ADAM17: variants seen among roughly 807,000 people sequenced by gnomAD.
ADAM17 encodes the protein disintegrin and metalloproteinase domain-containing protein 17.
In ADAM17, 39 loss-of-function variants were observed where a neutral mutation model predicts 96.7. The observed-to-expected ratio is 0.40, with a 90% CI of 0.31 to 0.53. ADAM17 has a LOEUF of 0.53. Among genes scored for constraint, ADAM17 ranks in the 20% least tolerant of loss-of-function variants. ADAM17 has a pLI of 0.44. For missense variants in ADAM17, 777 were observed against 1,013.2 expected (o/e 0.77, Z 3.17); for synonymous variants, 344 against 359.2 (o/e 0.96, Z 0.48).
chr2:9,539,301 G>A (rs1358762342), intron 2 of ADAM17, among the ~76,000 whole-genome samples: 1 of 151,968 alleles, frequency 6.6e-6, no homozygotes, highest in Non-Finnish European at 1.5e-5. Flanking sequence ...TAGAGACGGG[G>A]TTTCACCGTG....
At chr2:9,533,064 C>T (rs541644287) in intron 4 of ADAM17, among the ~76,000 whole-genome samples, 2 of 151,946 alleles carry the variant, frequency 1.3e-5, no homozygotes, top group Non-Finnish European at 2.9e-5. Flanking sequence ...TGGCACACGC[C>T]TGTAATTCCA....
At chr2:9,538,336 T>G (rs867108993) in intron 2 of ADAM17, among the ~76,000 whole-genome samples, 11 of 152,226 alleles carry the variant, frequency 7.2e-5, no homozygotes, top group South Asian at 2.1e-4. Context: ...AAATCTAGAC[T>G]GGGACTATCT....
At chr2:9,516,873 T>A (rs965442258) in intron 10 of ADAM17, among the ~76,000 whole-genome samples, 2 of 152,218 alleles carry the variant, frequency 1.3e-5, no homozygotes, top group African/African-American at 2.4e-5. Context: ...AGGACAGCAA[T>A]ATACTCAGCT....
chr2:9,538,738 G>A (rs1665088256), intron 2 of ADAM17, among the ~76,000 whole-genome samples: 1 of 152,134 alleles, frequency 6.6e-6, no homozygotes, highest in Admixed American at 6.6e-5. Context: ...TAGCTTTTGA[G>A]TTATAAAACG....
chr2:9,551,739 A>G (rs886222952), intron 1 of ADAM17, among the ~76,000 whole-genome samples: 2 of 152,290 alleles, frequency 1.3e-5, no homozygotes, highest in South Asian at 2.1e-4. Context: ...GATTACAGGC[A>G]TGAGCCACCG....
rs766251160 is a variant in ADAM17, at chr2:9,490,336, C to G, written c.2316G>C (p.Met772Ile). The G allele has an allele frequency of 6.2e-7, 1 of 1,613,982 alleles. No homozygotes were observed. ...GGTCCTTCTCAAACCCATCCTCGTC[C>G]ATATGTGAGTCTGTGCTGGGGTCTT... ...IQEDPSTDSH[M>I]DEDGFEKDPF... The change falls in exon 19 of 19, where the codon ATG becomes ATC. Residue 772 changes from methionine to isoleucine, a missense_variant. By Grantham distance (10) the Met-to-Ile change is conservative (BLOSUM62 1). Transcript: ENST00000310823.
At chr2:9,548,679 T>A (rs1665490540) in intron 1 of ADAM17, among the ~76,000 whole-genome samples, 1 of 152,222 alleles carries the variant, frequency 6.6e-6, no homozygotes, top group South Asian at 2.1e-4. Flanking sequence ...GGACTTCCTT[T>A]GCATTAAGTC....
In ADAM17 at chr2:9,555,628, C is replaced by T. The variant is rs1665724962; in HGVS notation, c.-23G>A. On this transcript the variant is annotated 5_prime_UTR_variant, in exon 1 of 19. Coordinates refer to ENST00000310823, the MANE Select transcript of ADAM17 (RefSeq NM_003183.6). ...CATGTTCCCGGCCCCGCTACCGACTCCACCTCTCTGGGCAGCCTTCGCCTG... is the reference window on the plus strand; with the variant it reads ...CATGTTCCCGGCCCCGCTACCGACTTCACCTCTCTGGGCAGCCTTCGCCTG... 6.5e-7 allele frequency: 1 copy of T among 1,542,082 alleles called. No homozygotes were observed. Among genetic ancestry groups the T allele is most frequent in the Non-Finnish European group, 8.8e-7 (1 of 1,140,582 alleles).
intron 1 of ADAM17, among the ~76,000 whole-genome samples, chr2:9,553,008 G>C (rs1163591333): frequency 6.6e-6 from 1 of 151,964 alleles, no homozygotes; most frequent in African/African-American, 2.4e-5. Flanking sequence ...TGCTAGTCTT[G>C]ACCAACTCAA....
intron 6 of ADAM17, among the ~76,000 whole-genome samples, chr2:9,523,579 C>T (rs1664398237): frequency 6.6e-6 from 1 of 152,178 alleles, no homozygotes; most frequent in Non-Finnish European, 1.5e-5. Context: ...ATTTCAGGTA[C>T]TCAATTGCAC....
At chr2:9,534,557 C>A (rs12475429) in intron 4 of ADAM17, among the ~76,000 whole-genome samples, 96,513 of 151,802 alleles carry the variant, frequency 0.64, 32,125 homozygotes, top group Middle Eastern at 0.76. Flanking sequence ...AACAAACAAA[C>A]AAAACCCTAA....
At chr2:9,536,189 T>C (rs1664952702) in intron 3 of ADAM17, among the ~76,000 whole-genome samples, 2 of 152,140 alleles carry the variant, frequency 1.3e-5, no homozygotes, top group South Asian at 4.1e-4. Flanking sequence ...TATCTACTTC[T>C]AGGTAAAGGA....
At chr2:9,514,735 T>C (rs966097220) in intron 10 of ADAM17, among the ~76,000 whole-genome samples, 13 of 150,570 alleles carry the variant, frequency 8.6e-5, no homozygotes, top group Non-Finnish European at 1.3e-4. Context: ...TAGCCGGGCG[T>C]GGTGGTGGGG....
chr2:9,538,611 A>G (rs1309068758), intron 2 of ADAM17, among the ~76,000 whole-genome samples: 2 of 152,206 alleles, frequency 1.3e-5, no homozygotes, highest in Non-Finnish European at 2.9e-5. Context: ...ACATTACTTA[A>G]TGTTCTTTTC....
At chr2:9,493,590 T>C (rs1260969951) in intron 16 of ADAM17, among the ~76,000 whole-genome samples, 157 bp downstream of exon 16, 1 of 152,246 alleles carries the variant, frequency 6.6e-6, no homozygotes, top group African/African-American at 2.4e-5. Context: ...TATGAGTTCA[T>C]TTTATTCTAG....
rs1663377094 is a variant in ADAM17, at chr2:9,506,207, CA to C, written c.1345-843del. 2.6e-5 allele frequency among the ~76,000 whole-genome samples: 4 copies of C among 152,196 alleles called. No homozygotes were observed. The South Asian group carries it at 8.3e-4, about 32-fold the overall frequency. ...CTTCACTTTCACCCCAGACAACAAT[CA>C]TGAAGCCCCTGAGAGCCAAGTGTAT... On this transcript the variant is annotated intron_variant, in intron 11 of 18. Coordinates refer to ENST00000310823, the MANE Select transcript of ADAM17 (RefSeq NM_003183.6).
intron 1 of ADAM17, among the ~76,000 whole-genome samples, chr2:9,554,839 CTTTG>C (rs1665692420): frequency 6.6e-6 from 1 of 152,088 alleles, no homozygotes; most frequent in South Asian, 2.1e-4. Context: ...TTGATAATTT[CTTTG>C]TTTAAAAGTG....
At position 9,518,255 on chromosome 2, in the gene ADAM17, AGACC is replaced by A; in HGVS notation, c.958-12_958-9del. ...TATATCAAAGCTAAATTGCTTTGAA[AGACC>A]AAAAAAAAAAAAAAAAAAAAAAGCA... On this transcript the variant is annotated splice_polypyrimidine_tract_variant and intron_variant, in intron 8 of 18. Transcript: ENST00000310823. 1.4e-6 allele frequency: 2 copies of A among 1,424,898 alleles called. No homozygotes were observed. The highest frequency in any genetic ancestry group is 1.8e-6 in the Non-Finnish European group (2 of 1,082,028). 88.3% of individuals were successfully genotyped at this position (1,424,898 alleles called of 1,614,324 possible).
chr2:9,550,720 T>C (rs372682185), intron 1 of ADAM17, among the ~76,000 whole-genome samples: 42 of 151,660 alleles, frequency 2.8e-4, no homozygotes, highest in African/African-American at 9.2e-4. Context: ...GCTGGGACTA[T>C]AGGTGTAAGC....
Sources: allele counts gnomAD v4.1 joint callset (sites outside exome capture counted in the v4.1 genomes callset), GRCh38; gene constraint gnomAD v4.1.1; transcripts MANE v1.5; gene names NCBI Gene and HGNC (gene_info 2026-07-23, HGNC 2026-07-21).